The following NECTIN3 variants were observed in gnomAD, a reference collection of about 807,000 sequenced individuals.
NECTIN3 encodes nectin cell adhesion molecule 3.
NECTIN3 carries 8 observed loss-of-function variants against 49.4 expected under a neutral mutation model. The ratio of observed to expected loss-of-function variants is 0.16; its 90% CI spans 0.10 to 0.29. The LOEUF is 0.29. Ranked by LOEUF, NECTIN3 falls within the 10% of genes least tolerant of loss-of-function variation. The pLI is 1.00. For missense variants in NECTIN3, 581 were observed against 654.6 expected, an observed-to-expected ratio of 0.89 and a Z score of 1.23; for synonymous variants, 277 against 241.1, an observed-to-expected ratio of 1.15 and a Z score of -1.38.
intron 1 of NECTIN3, among the ~76,000 whole-genome samples, chr3:111,083,686 A>G (rs1403504781): frequency 4.6e-5 from 7 of 152,030 alleles, no homozygotes; most frequent in Non-Finnish European, 1.0e-4. Context: ...CAGAAACTTG[A>G]CCCCGTGGTT....
chr3:111,151,229 C>T (rs113945506), intron 7 of NECTIN3, among the ~76,000 whole-genome samples: 2 of 151,954 alleles, frequency 1.3e-5, no homozygotes, highest in African/African-American at 4.8e-5. Context: ...AGCAAATAAA[C>T]ATATGCATTA....
At chr3:111,078,982 A>C (rs976411921) in intron 1 of NECTIN3, among the ~76,000 whole-genome samples, 4 of 152,112 alleles carry the variant, frequency 2.6e-5, no homozygotes, top group Non-Finnish European at 5.9e-5. Flanking sequence ...AAGATAGTCT[A>C]TTTTGTAATG....
chr3:111,119,347 T>C (rs2033843108), intron 3 of NECTIN3, among the ~76,000 whole-genome samples: 1 of 152,208 alleles, frequency 6.6e-6, no homozygotes, highest in Admixed American at 6.5e-5. Flanking sequence ...GATGGAATCT[T>C]GCTCTGCCGC....
At chr3:111,163,155 A>G (rs1238531465) in intron 7 of NECTIN3, among the ~76,000 whole-genome samples, 4 of 152,194 alleles carry the variant, frequency 2.6e-5, no homozygotes, top group African/African-American at 4.8e-5. Context: ...TGGGGGCTGG[A>G]ACAGTTTACA....
intron 7 of NECTIN3, among the ~76,000 whole-genome samples, chr3:111,154,392 T>C (rs1353116175): frequency 1.3e-5 from 2 of 152,212 alleles, no homozygotes; most frequent in Middle Eastern, 3.2e-3. Flanking sequence ...ATTTTGTTTA[T>C]ATATTTATCT....
At chr3:111,181,246 T>A (rs972974829) in intron 7 of NECTIN3, among the ~76,000 whole-genome samples, 1 of 152,204 alleles carries the variant, frequency 6.6e-6, no homozygotes, top group Non-Finnish European at 1.5e-5. Context: ...GTCCAATTTC[T>A]TTTGCTCAGT....
chr3:111,129,814 A>G (rs1009081984), intron 5 of NECTIN3, among the ~76,000 whole-genome samples: 4 of 151,558 alleles, frequency 2.6e-5, no homozygotes, highest in Non-Finnish European at 5.9e-5. Context: ...ATGCTCAGCT[A>G]ATTTTTTTGT....
intron 7 of NECTIN3, among the ~76,000 whole-genome samples, chr3:111,169,369 C>T (rs943393432): frequency 4.8e-4 from 68 of 142,534 alleles, no homozygotes; most frequent in Non-Finnish European, 9.6e-4. Context: ...GGATTACAAA[C>T]GCAAACTTTT....
intron 1 of NECTIN3, among the ~76,000 whole-genome samples, chr3:111,109,308 C>G (rs145062001): frequency 6.6e-6 from 1 of 152,086 alleles, no homozygotes; most frequent in Non-Finnish European, 1.5e-5. Context: ...TAAAACTTCT[C>G]TTACTCCCTT....
At chr3:111,088,428 A>G (rs1466089760) in intron 1 of NECTIN3, among the ~76,000 whole-genome samples, 2 of 152,130 alleles carry the variant, frequency 1.3e-5, no homozygotes, top group African/African-American at 4.8e-5. Context: ...GTATTCCTTC[A>G]TTGCAACACA....
At chr3:111,144,834 A>G in intron 5 of NECTIN3, 1 of 1,463,092 alleles carries the variant, frequency 6.8e-7, no homozygotes, top group Non-Finnish European at 9.2e-7. Flanking sequence ...ATTGTAGAAA[A>G]GGTATGCAAT....
intron 1 of NECTIN3, among the ~76,000 whole-genome samples, chr3:111,083,964 A>G (rs1327425324): frequency 1.3e-5 from 2 of 152,224 alleles, no homozygotes; most frequent in Non-Finnish European, 2.9e-5. Flanking sequence ...TAGAAAGTTG[A>G]AAAACTTTTT....
At chr3:111,122,050 A>G in intron 3 of NECTIN3, 71 bp from the exon 4 acceptor site, 2 of 1,039,302 alleles carry the variant, frequency 1.9e-6, no homozygotes, top group Non-Finnish European at 2.9e-6. Flanking sequence ...TATTATCTTA[A>G]TATTTTATCA....
At position 111,136,495 on chromosome 3, in the gene NECTIN3, G is replaced by A. The variant is rs1323245967; in HGVS notation, c.*2280G>A. 1 of 983,210 alleles carries A rather than the reference G, an allele frequency of 1.0e-6. No homozygotes were observed. Among genetic ancestry groups the A allele is most frequent in the Non-Finnish European group, 1.2e-6 (1 of 828,308 alleles). 60.9% of individuals were successfully genotyped at this position (983,210 alleles called of 1,614,324 possible). ...TGTGTTGTAAGAATCTGATACTAGT[G>A]CTTAAGACTTTGGGAAGCATTGCAC... On this transcript the variant is annotated 3_prime_UTR_variant, in exon 6 of 6. Transcript: ENST00000485303.
chr3:111,114,613 C>T (rs189761375), intron 2 of NECTIN3, among the ~76,000 whole-genome samples: 27 of 152,120 alleles, frequency 1.8e-4, no homozygotes, highest in Admixed American at 1.5e-3. Flanking sequence ...AGAAATATTT[C>T]GTAGGAGAAA....
chr3:111,172,279 C>G (rs928078343), intron 7 of NECTIN3, among the ~76,000 whole-genome samples: 1 of 152,124 alleles, frequency 6.6e-6, no homozygotes, highest in Non-Finnish European at 1.5e-5. Flanking sequence ...ACAAGCATAC[C>G]CACACATCAT....
At chr3:111,193,998 T>A (rs138781103) in intron 1 of NECTIN3, among the ~76,000 whole-genome samples, 4 of 152,302 alleles carry the variant, frequency 2.6e-5, no homozygotes, top group Admixed American at 2.0e-4. Flanking sequence ...ATATTCTTTG[T>A]TGAGCACTGA....
At chr3:111,072,380 C>A (rs2030830636) in intron 1 of NECTIN3, 4 of 1,491,942 alleles carry the variant, frequency 2.7e-6, no homozygotes, top group Non-Finnish European at 3.5e-6. Context: ...GAGCCGGCGG[C>A]CCGCTGCCCT....
intron 7 of NECTIN3, among the ~76,000 whole-genome samples, chr3:111,182,297 G>A (rs1458840804): frequency 3.9e-5 from 6 of 152,020 alleles, no homozygotes; most frequent in Non-Finnish European, 5.9e-5. Context: ...ACTAACGTAT[G>A]TTACGCTGTT....
Sources: gnomAD v4.1 joint callset for allele counts (sites outside exome capture counted in the v4.1 genomes callset) on GRCh38, gnomAD v4.1.1 for gene constraint, MANE v1.5 for transcripts, NCBI Gene and HGNC (gene_info 2026-07-23, HGNC 2026-07-21) for gene names.